The following ARHGAP25 variants were observed in gnomAD, a reference collection of about 807,000 sequenced individuals.
ARHGAP25 encodes rho GTPase-activating protein 25.
ARHGAP25 carries 34 observed loss-of-function variants against 71.0 expected under a neutral mutation model. That is an observed-to-expected ratio of 0.48 (90% CI 0.36 to 0.64). ARHGAP25 has a LOEUF of 0.64. Among genes scored for constraint, ARHGAP25 ranks in the 30% least tolerant of loss-of-function variants. ARHGAP25 has a pLI of 0.00. For missense variants in ARHGAP25, 706 were observed against 805.1 expected, an observed-to-expected ratio of 0.88 and a Z score of 1.49; for synonymous variants, 282 against 296.5, an observed-to-expected ratio of 0.95 and a Z score of 0.50.
chr2:68,769,388 G>A (rs1299078863), intron 1 of ARHGAP25, among the ~76,000 whole-genome samples: 1 of 152,116 alleles, frequency 6.6e-6, no homozygotes, highest in African/African-American at 2.4e-5. Context: ...CACCCCATAA[G>A]ATGCATGTTA....
intron 2 of ARHGAP25, among the ~76,000 whole-genome samples, chr2:68,727,703 T>C (rs1674918032): frequency 6.6e-6 from 1 of 152,250 alleles, no homozygotes. Flanking sequence ...TATCTGATGC[T>C]CATCCGTGAG....
At chr2:68,717,132 A>C (rs1674628689) in intron 2 of ARHGAP25, among the ~76,000 whole-genome samples, 1 of 152,186 alleles carries the variant, frequency 6.6e-6, no homozygotes, top group African/African-American at 2.4e-5. Context: ...CTAGACTACA[A>C]ATCTGTATAG....
chr2:68,814,797 G>A (rs1192982222), intron 6 of ARHGAP25, among the ~76,000 whole-genome samples: 1 of 152,184 alleles, frequency 6.6e-6, no homozygotes, highest in Admixed American at 6.5e-5. Flanking sequence ...AAGAAAGGAA[G>A]AGAACATGAT....
intron 10 of ARHGAP25, among the ~76,000 whole-genome samples, chr2:68,824,201 C>A (rs775248381): frequency 6.6e-6 from 1 of 152,236 alleles, no homozygotes; most frequent in Non-Finnish European, 1.5e-5. Flanking sequence ...CCATAGAAGG[C>A]ACACACTGCC....
chr2:68,812,482 C>T lies in ARHGAP25; in HGVS notation c.675-805C>T, dbSNP rs532601563. Among the ~76,000 whole-genome samples the T allele has an allele frequency of 2.6e-4, 40 of 152,302 alleles. No individual in the cohort carries two copies. In the South Asian group the frequency reaches 2.7e-3, roughly 10 times the overall value. On this transcript the variant is annotated intron_variant, in intron 5 of 10. Transcript: ENST00000409202. ...ATGCTCCAGGCTGACACACATGCTG[C>T]CTGCCTCATGCCCTAACTCCTCACC...
intron 3 of ARHGAP25, 79 bp downstream of exon 3, chr2:68,782,399 C>A: frequency 1.5e-6 from 2 of 1,325,304 alleles, no homozygotes; most frequent in Non-Finnish European, 2.2e-6. Context: ...GAAGTCAAAG[C>A]TATATTCGGA....
chr2:68,744,299 C>T (rs1450860698), intron 1 of ARHGAP25, among the ~76,000 whole-genome samples: 2 of 152,178 alleles, frequency 1.3e-5, no homozygotes, highest in African/African-American at 2.4e-5. Context: ...ATTACCAGGG[C>T]CACCACCCAG....
At chr2:68,781,272 G>A (rs1678314860) in intron 2 of ARHGAP25, among the ~76,000 whole-genome samples, 1 of 152,030 alleles carries the variant, frequency 6.6e-6, no homozygotes, top group Non-Finnish European at 1.5e-5. Context: ...CGCCTGTAGT[G>A]CCAGATACTC....
At chr2:68,746,275 CA>C (rs540377281) in intron 1 of ARHGAP25, among the ~76,000 whole-genome samples, 9 of 152,148 alleles carry the variant, frequency 5.9e-5, no homozygotes, top group Non-Finnish European at 1.3e-4. Flanking sequence ...TTCCTACCAC[CA>C]AAAGTTTTCG....
intron 2 of ARHGAP25, among the ~76,000 whole-genome samples, chr2:68,720,316 CAAAA>C (rs11314943): frequency 4.6e-4 from 35 of 75,672 alleles, no homozygotes; most frequent in African/African-American, 1.6e-3. Flanking sequence ...ACATTTCAGT[CAAAA>C]AAAAAAAAAA....
At chr2:68,815,764 G>A (rs1012635688) in intron 6 of ARHGAP25, among the ~76,000 whole-genome samples, 5 of 151,412 alleles carry the variant, frequency 3.3e-5, no homozygotes, top group African/African-American at 1.2e-4. Flanking sequence ...GACATCCACG[G>A]CCATCCATTG....
chr2:68,715,074 CT>C (rs1212845802), intron 2 of ARHGAP25, among the ~76,000 whole-genome samples: 1 of 152,108 alleles, frequency 6.6e-6, no homozygotes, highest in Non-Finnish European at 1.5e-5. Context: ...GAGGGTGGGG[CT>C]TGTGCGCTGG....
chr2:68,787,438 T>C (rs1260681748), intron 3 of ARHGAP25, among the ~76,000 whole-genome samples: 2 of 152,196 alleles, frequency 1.3e-5, no homozygotes, highest in South Asian at 2.1e-4. Context: ...ACAACTGAGC[T>C]CAGGACTAGC....
At chr2:68,813,232 A>C in intron 5 of ARHGAP25, 55 bp from the exon 6 acceptor site, 1 of 1,554,334 alleles carries the variant, frequency 6.4e-7, no homozygotes, top group Non-Finnish European at 8.7e-7. Flanking sequence ...AGAGAGGAAC[A>C]TCCTAAAGTT....
At chr2:68,783,189 G>A (rs955157748) in intron 3 of ARHGAP25, among the ~76,000 whole-genome samples, 1 of 152,192 alleles carries the variant, frequency 6.6e-6, no homozygotes, top group African/African-American at 2.4e-5. Context: ...CTTACTATTT[G>A]TGTAAGAGGT....
chr2:68,778,277 G>A (rs1409120487), intron 2 of ARHGAP25, among the ~76,000 whole-genome samples: 1 of 151,504 alleles, frequency 6.6e-6, no homozygotes, highest in African/African-American at 2.4e-5. Flanking sequence ...AATACTTTTT[G>A]AAATGGAAAA....
At chr2:68,791,479 A>G (rs1015331593) in intron 4 of ARHGAP25, among the ~76,000 whole-genome samples, 1 of 151,728 alleles carries the variant, frequency 6.6e-6, no homozygotes, top group African/African-American at 2.4e-5. Flanking sequence ...TGTGTCCTCT[A>G]TAATTATAAT....
At chr2:68,775,721 T>A in intron 2 of ARHGAP25, 1 of 557,852 alleles carries the variant, frequency 1.8e-6, no homozygotes, top group Non-Finnish European at 3.4e-6. Flanking sequence ...TCAGAGAGAG[T>A]GGATTTGGGT....
At chr2:68,823,806 C>T (rs1271532312) in intron 10 of ARHGAP25, among the ~76,000 whole-genome samples, 1 of 152,208 alleles carries the variant, frequency 6.6e-6, no homozygotes, top group African/African-American at 2.4e-5. Flanking sequence ...GCAGCTATTG[C>T]CTCTGTCACA....
Sources: allele counts gnomAD v4.1 joint callset (sites outside exome capture counted in the v4.1 genomes callset), GRCh38; gene constraint gnomAD v4.1.1; transcripts MANE v1.5; gene names NCBI Gene and HGNC (gene_info 2026-07-23, HGNC 2026-07-21).